RORA: variants seen among roughly 807,000 people sequenced by gnomAD.
RORA encodes the protein RAR related orphan receptor A, also known as nuclear receptor ROR-alpha.
RORA carries 7 observed loss-of-function variants against 69.5 expected under a neutral mutation model. The ratio of observed to expected loss-of-function variants is 0.10; its 90% CI spans 0.06 to 0.19. The LOEUF (loss-of-function observed/expected upper bound fraction) is 0.19, where lower values mean the gene tolerates loss of function less well. Among genes scored for constraint, RORA ranks in the 10% least tolerant of loss-of-function variants. The pLI is 1.00. For synonymous variants in RORA, 261 were observed against 240.8 expected (o/e 1.08, Z -0.78); for missense variants, 457 against 663.0 (o/e 0.69, Z 3.41).
At chr15:60,806,679 T>C (rs986101171) in intron 1 of RORA, among the ~76,000 whole-genome samples, 2 of 152,130 alleles carry the variant, frequency 1.3e-5, no homozygotes, top group African/African-American at 4.8e-5. Context: ...ATTTTACAGA[T>C]GGAGAAACAA....
intron 1 of RORA, among the ~76,000 whole-genome samples, chr15:61,202,058 A>G (rs1596068829): frequency 6.9e-6 from 1 of 145,732 alleles, no homozygotes; most frequent in Non-Finnish European, 1.5e-5. Context: ...CCGAGGCTGG[A>G]GTGCAGTGGT....
intron 2 of RORA, among the ~76,000 whole-genome samples, chr15:60,553,832 A>G (rs895354860): frequency 6.6e-6 from 1 of 152,090 alleles, no homozygotes; most frequent in Admixed American, 6.6e-5. Context: ...CCTTCCCACA[A>G]TATATGGCCC....
intron 2 of RORA, among the ~76,000 whole-genome samples, chr15:60,556,280 C>T (rs1189530440): frequency 6.6e-6 from 1 of 152,122 alleles, no homozygotes; most frequent in Non-Finnish European, 1.5e-5. Flanking sequence ...ATCTGTGTTC[C>T]CCATCGCCAA....
At chr15:60,549,344 G>C (rs1477607560) in intron 2 of RORA, among the ~76,000 whole-genome samples, 2 of 152,074 alleles carry the variant, frequency 1.3e-5, no homozygotes, top group African/African-American at 2.4e-5. Context: ...GGGCATATTT[G>C]TTGTTGTTAT....
intron 1 of RORA, among the ~76,000 whole-genome samples, chr15:60,910,904 GT>G (rs35069957): frequency 0.32 from 39,682 of 124,688 alleles, 5,843 homozygotes; most frequent in East Asian, 0.59. Flanking sequence ...TGTTTTTTGG[GT>G]TTTTTTTTTT....
chr15:60,657,051 T>A (rs1250485533), intron 2 of RORA, among the ~76,000 whole-genome samples: 1 of 152,204 alleles, frequency 6.6e-6, no homozygotes, highest in Non-Finnish European at 1.5e-5. Flanking sequence ...CACTAGTTGC[T>A]TGCAGAATTG....
intron 2 of RORA, among the ~76,000 whole-genome samples, chr15:60,657,290 A>T (rs2070235431): frequency 2.0e-5 from 3 of 150,472 alleles, no homozygotes; most frequent in African/African-American, 7.3e-5. Context: ...TGGATATTGC[A>T]TCTTGGTGGG....
At chr15:60,646,132 G>A (rs2070042554) in intron 2 of RORA, among the ~76,000 whole-genome samples, 1 of 152,164 alleles carries the variant, frequency 6.6e-6, no homozygotes, top group Admixed American at 6.5e-5. Context: ...CCAGAGTTGA[G>A]GGCCAAGCTT....
intron 1 of RORA, among the ~76,000 whole-genome samples, chr15:60,896,287 G>A (rs1891228903): frequency 6.6e-6 from 1 of 152,190 alleles, no homozygotes. Context: ...AGTACTCAAA[G>A]CTAACGCATC....
rs1595841647 is a variant in RORA at position 60,951,948 on chromosome 15, G to A, written c.167-273262C>T. 3.3e-5 allele frequency among the ~76,000 whole-genome samples: 5 copies of A among 150,046 alleles called. 1 individual carries two copies. The highest frequency in any genetic ancestry group is 1.2e-4 in the African/African-American group (5 of 40,774). On this transcript the variant is annotated intron_variant, in intron 1 of 10. Transcript: ENST00000335670. Reference sequence around the variant, plus strand: ...CTCCCTAACTCATTTTATGAGGCCAGCATCATTCTGATACCAAAGCCAGGC... The same window carrying A: ...CTCCCTAACTCATTTTATGAGGCCAACATCATTCTGATACCAAAGCCAGGC...
chr15:61,035,489 C>G (rs1468642999), intron 1 of RORA, among the ~76,000 whole-genome samples: 1 of 152,134 alleles, frequency 6.6e-6, no homozygotes, highest in Non-Finnish European at 1.5e-5. Flanking sequence ...CTTAAAAAGT[C>G]CTAAGAATCT....
At chr15:61,191,365 C>CAA (rs55815707) in intron 1 of RORA, among the ~76,000 whole-genome samples, 1 of 136,586 alleles carries the variant, frequency 7.3e-6, no homozygotes, top group Non-Finnish European at 1.6e-5. Context: ...CTCCTTGTAG[C>CAA]AAAAAAAAAA....
At chr15:60,679,735 G>A (rs2070613494) in intron 1 of RORA, among the ~76,000 whole-genome samples, 1 of 152,122 alleles carries the variant, frequency 6.6e-6, no homozygotes, top group African/African-American at 2.4e-5. Context: ...GAAGAAATCT[G>A]TTGTGAAAAT....
intron 1 of RORA, among the ~76,000 whole-genome samples, chr15:61,171,255 C>A (rs1371238627): frequency 6.6e-6 from 1 of 152,132 alleles, no homozygotes; most frequent in African/African-American, 2.4e-5. Flanking sequence ...TCCAGGGGCA[C>A]ACGGTGGGTG....
chr15:60,876,743 C>G (rs1012572822), intron 1 of RORA, among the ~76,000 whole-genome samples: 1 of 152,134 alleles, frequency 6.6e-6, no homozygotes, highest in African/African-American at 2.4e-5. Flanking sequence ...TATGGGACAT[C>G]TTCTATGCCT....
chr15:60,497,762 G>T lies in RORA; in HGVS notation c.1408-143C>A, dbSNP rs760587078. 47 of 703,326 alleles carry T rather than the reference G, an allele frequency of 6.7e-5. 1 individual carries two copies. The highest frequency in any genetic ancestry group is 1.1e-4 in the Non-Finnish European group (46 of 422,336). The allele number at this position is 703,326 out of a possible 1,614,324, so 43.6% of individuals were successfully genotyped here. A position where few individuals can be genotyped will look rare whatever the true frequency, so the allele number is the denominator to read the frequency against. On this transcript the variant is annotated intron_variant, in intron 10 of 10. Transcript: ENST00000335670. Reference sequence around the variant, plus strand: ...TTAAACATCCAGTAGCAGAGGATTGGTAAAAATAAATGATGGCTGGGCGCG... The same window carrying T: ...TTAAACATCCAGTAGCAGAGGATTGTTAAAAATAAATGATGGCTGGGCGCG...
intron 1 of RORA, among the ~76,000 whole-genome samples, chr15:60,853,952 CG>C (rs2073353601): frequency 6.6e-6 from 1 of 152,190 alleles, no homozygotes; most frequent in East Asian, 1.9e-4. Flanking sequence ...GGAAAAACAC[CG>C]GAAAAGTTCT....
intron 1 of RORA, among the ~76,000 whole-genome samples, chr15:61,195,056 T>G (rs1414308005): frequency 6.6e-6 from 1 of 152,152 alleles, no homozygotes; most frequent in Non-Finnish European, 1.5e-5. Context: ...TATGATTTTT[T>G]TGTGACACAG....
intron 1 of RORA, among the ~76,000 whole-genome samples, chr15:60,876,423 T>C (rs2073616946): frequency 6.6e-6 from 1 of 152,070 alleles, no homozygotes; most frequent in Admixed American, 6.5e-5. Flanking sequence ...GGGCTTAAAT[T>C]TGATTTTAAA....
Sources: allele counts gnomAD v4.1 joint callset (sites outside exome capture counted in the v4.1 genomes callset), GRCh38; gene constraint gnomAD v4.1.1; transcripts MANE v1.5; gene names NCBI Gene and HGNC (gene_info 2026-07-23, HGNC 2026-07-21).